Variants in MRAP2 observed in about 807,000 individuals in gnomAD.
The protein encoded by MRAP2 is melanocortin 2 receptor accessory protein 2, also known as melanocortin-2 receptor accessory protein 2.
A neutral mutation model predicts 17.4 loss-of-function variants in MRAP2; 20 were observed. The observed-to-expected ratio is 1.15, with a 90% CI of 0.81 to 1.67. The LOEUF is 1.67. MRAP2 is among the 40% of genes most tolerant of loss of function. The probability of loss-of-function intolerance (pLI) is 0.00; values close to 1 mark genes in which losing one functional copy is unlikely to be tolerated. For missense variants in MRAP2, 238 were observed against 240.0 expected (o/e 0.99, Z 0.05); for synonymous variants, 96 against 88.4 (o/e 1.09, Z -0.48).
chr6:84,052,644 T>G (rs1023478552), intron 1 of MRAP2: 1 of 162,102 alleles, frequency 6.2e-6, no homozygotes, highest in Non-Finnish European at 1.3e-5. Context: ...AAGCTATCTT[T>G]GGGATTCAAG....
At chr6:84,049,244 G>A (rs1418557688) in intron 1 of MRAP2, among the ~76,000 whole-genome samples, 1 of 152,112 alleles carries the variant, frequency 6.6e-6, no homozygotes, top group Non-Finnish European at 1.5e-5. Context: ...TGCCAGTGTG[G>A]TGAAACCCCT....
the MRAP2 span, among the ~76,000 whole-genome samples, chr6:84,133,178 T>TGTTGC: frequency 6.6e-6 from 1 of 152,136 alleles, no homozygotes; most frequent in African/African-American, 2.4e-5. Context: ...GAACAGCAAA[T>TGTTGC]ATTGCAGAAC....
chr6:84,109,834 G>A, the MRAP2 span, among the ~76,000 whole-genome samples: 5 of 147,488 alleles, frequency 3.4e-5, no homozygotes, highest in African/African-American at 1.2e-4. Context: ...TGCCACTTAT[G>A]AGTGAGAACG....
chr6:84,112,919 T>G, the MRAP2 span, among the ~76,000 whole-genome samples: 1 of 148,446 alleles, frequency 6.7e-6, no homozygotes, highest in African/African-American at 2.6e-5. Flanking sequence ...TTTGAGTGAG[T>G]TTTTAATCCT....
the MRAP2 span, among the ~76,000 whole-genome samples, chr6:84,120,796 A>C: frequency 6.6e-6 from 1 of 152,184 alleles, no homozygotes; most frequent in Non-Finnish European, 1.5e-5. Flanking sequence ...TACAGATAAA[A>C]ATACACAAAA....
At chr6:84,123,682 T>C in the MRAP2 span, among the ~76,000 whole-genome samples, 4 of 151,902 alleles carry the variant, frequency 2.6e-5, no homozygotes, top group Non-Finnish European at 4.4e-5. Flanking sequence ...AAATTCACAA[T>C]GAAGACCCTA....
At chr6:84,118,234 C>A in the MRAP2 span, among the ~76,000 whole-genome samples, 1 of 149,058 alleles carries the variant, frequency 6.7e-6, no homozygotes, top group Non-Finnish European at 1.5e-5. Flanking sequence ...AAAAATGGAT[C>A]TGGATCCTGT....
At chr6:84,062,654 G>A (rs2099493462) in intron 2 of MRAP2, 2 of 985,304 alleles carry the variant, frequency 2.0e-6, no homozygotes, top group South Asian at 4.7e-5. Context: ...GATATGGAAA[G>A]CATGAGTCAA....
chr6:84,085,587 A>T (rs1360676082), intron 3 of MRAP2, among the ~76,000 whole-genome samples: 2 of 152,238 alleles, frequency 1.3e-5, no homozygotes, highest in Non-Finnish European at 2.9e-5. Flanking sequence ...TTTCAGAAAC[A>T]AGCAAAGGGG....
At position 84,076,437 on chromosome 6, in the gene MRAP2, T is replaced by A. The variant is rs112891742; in HGVS notation, c.228-12654T>A. Among the ~76,000 whole-genome samples the A allele has an allele frequency of 9.3e-3, 1,418 of 152,184 alleles. 29 individuals are homozygous for A. Among genetic ancestry groups the A allele is most frequent in the African/African-American group, 0.032 (1,308 of 41,494 alleles). On this transcript the variant is annotated intron_variant, in intron 3 of 3. Transcript: ENST00000257776. ...TGGGGTTTCTCCATGTTGGCCAAGC[T>A]GGTCTGGAACTCCTACCCTCAGGTG...
At chr6:84,101,384 A>G in the MRAP2 span, among the ~76,000 whole-genome samples, 1 of 152,222 alleles carries the variant, frequency 6.6e-6, no homozygotes, top group African/African-American at 2.4e-5. Context: ...GGACAAATAC[A>G]ATACAGAAAT....
At chr6:84,103,008 C>A in the MRAP2 span, among the ~76,000 whole-genome samples, 1 of 152,090 alleles carries the variant, frequency 6.6e-6, no homozygotes, top group Non-Finnish European at 1.5e-5. Flanking sequence ...TGTAGACAGA[C>A]AAATATATAC....
At chr6:84,093,685 G>A (rs534939954), downstream of MRAP2, among the ~76,000 whole-genome samples, 29 of 152,288 alleles carry the variant, frequency 1.9e-4, no homozygotes, top group East Asian at 3.7e-3. Flanking sequence ...TTTCTCTAGC[G>A]CTTGGGCAGT....
chr6:84,085,222 G>A (rs1271967342), intron 3 of MRAP2, among the ~76,000 whole-genome samples: 2 of 151,778 alleles, frequency 1.3e-5, no homozygotes, highest in Non-Finnish European at 2.9e-5. Flanking sequence ...GCCTGGCTAA[G>A]TTTTTGTATT....
intron 1 of MRAP2, among the ~76,000 whole-genome samples, chr6:84,048,131 A>G (rs1402336243): frequency 6.6e-6 from 1 of 152,146 alleles, no homozygotes; most frequent in Non-Finnish European, 1.5e-5. Context: ...TTGTATATAT[A>G]TCCAGAGTTA....
At chr6:84,081,335 T>C (rs1030772562) in intron 3 of MRAP2, among the ~76,000 whole-genome samples, 1 of 152,348 alleles carries the variant, frequency 6.6e-6, no homozygotes, top group African/African-American at 2.4e-5. Flanking sequence ...TGAATGTGAC[T>C]GTTTATGGCA....
intron 3 of MRAP2, among the ~76,000 whole-genome samples, chr6:84,064,585 T>G (rs897988405): frequency 2.6e-5 from 4 of 152,200 alleles, no homozygotes; most frequent in Admixed American, 2.0e-4. Flanking sequence ...CCTCCCGGGT[T>G]CACGCCATTC....
chr6:84,099,103 T>G, the MRAP2 span, among the ~76,000 whole-genome samples: 1 of 151,818 alleles, frequency 6.6e-6, no homozygotes, highest in East Asian at 1.9e-4. Context: ...AGGTTCGTGA[T>G]TCATTTTGAG....
chr6:84,046,818 G>T (rs2129160961), intron 1 of MRAP2, among the ~76,000 whole-genome samples: 1 of 150,950 alleles, frequency 6.6e-6, no homozygotes, highest in South Asian at 2.1e-4. Flanking sequence ...GAGAATTTGG[G>T]AAGTGGCTAG....
Sources: allele counts gnomAD v4.1 joint callset (sites outside exome capture counted in the v4.1 genomes callset), GRCh38; gene constraint gnomAD v4.1.1; transcripts MANE v1.5; gene names NCBI Gene and HGNC (gene_info 2026-07-23, HGNC 2026-07-21).